The following TMEM237 variants were observed in gnomAD, a reference collection of about 807,000 sequenced individuals.
TMEM237 encodes the protein amyotrophic lateral sclerosis 2 (juvenile) chromosome region, candidate 4.
Under a neutral mutation model 59.1 loss-of-function variants are expected in TMEM237, and 51 were observed. The ratio of observed to expected loss-of-function variants is 0.86; its 90% CI spans 0.69 to 1.09. The LOEUF is 1.09. Ranked by LOEUF, TMEM237 falls within the 50% of genes least tolerant of loss-of-function variation. The pLI is 0.00. For missense variants in TMEM237, 475 were observed against 478.3 expected (o/e 0.99, Z 0.06); for synonymous variants, 140 against 166.1 (o/e 0.84, Z 1.21).
chr2:201,640,372 C>G, intron 2 of TMEM237, 107 bp from the exon 3 acceptor site: 1 of 1,114,718 alleles, frequency 9.0e-7, no homozygotes, highest in South Asian at 1.8e-5. Context: ...TGACTTAAAT[C>G]ATTACAAATT....
chr2:201,634,716 C>G (rs1368022213), intron 5 of TMEM237: 2 of 205,674 alleles, frequency 9.7e-6, no homozygotes, highest in Non-Finnish European at 2.2e-5. Flanking sequence ...CCATTTCTGT[C>G]TCTTTTCCTT....
At chr2:201,641,352 T>C (rs114157371) in intron 1 of TMEM237, among the ~76,000 whole-genome samples, 1,532 of 152,288 alleles carry the variant, frequency 0.01, 21 homozygotes, top group African/African-American at 0.034. Flanking sequence ...TGGATCAGAC[T>C]AGGATCTTCA....
chr2:201,639,588 G>A (rs1559590318), intron 3 of TMEM237, among the ~76,000 whole-genome samples: 2 of 152,180 alleles, frequency 1.3e-5, no homozygotes, highest in Non-Finnish European at 2.9e-5. Context: ...TTGAGCTCAG[G>A]AGTTCGACAC....
chr2:201,632,245 A>T, intron 6 of TMEM237, 37 bp from the exon 7 acceptor site: 1 of 1,607,916 alleles, frequency 6.2e-7, no homozygotes, highest in Non-Finnish European at 8.5e-7. Flanking sequence ...ATAGATGATT[A>T]TTGAATTTTT....
chr2:201,640,868 T>C (rs746859983), intron 2 of TMEM237, 25 bp downstream of exon 2: 28 of 1,545,670 alleles, frequency 1.8e-5, no homozygotes, highest in Middle Eastern at 3.5e-4. Context: ...AGCTCAATAA[T>C]GAAATTACTG....
At position 201,621,114 on chromosome 2, in the gene TMEM237, A is replaced by C. The variant is rs1957702712; in HGVS notation, c.*3141T>G. ...CAACATAAAGTACACAGCATCACAG[A>C]TGAAGTCATATTTTTTTAAAAAATC... On this transcript the variant is annotated 3_prime_UTR_variant, in exon 13 of 13. Coordinates refer to ENST00000409883, the MANE Select transcript of TMEM237 (RefSeq NM_001044385.3). 1 of 152,228 alleles carries C rather than the reference A, an allele frequency of 6.6e-6. No individual in the cohort carries two copies. The allele number at this position is 152,228 out of a possible 1,614,324, so 9.4% of individuals were successfully genotyped here.
At chr2:201,630,737 G>A (rs573042263) in intron 7 of TMEM237, among the ~76,000 whole-genome samples, 3 of 152,274 alleles carry the variant, frequency 2.0e-5, no homozygotes, top group South Asian at 2.1e-4. Flanking sequence ...AAATGACCAC[G>A]TGGTAGATGA....
At position 201,640,933 on chromosome 2, in the gene TMEM237, G is replaced by GA. The variant is rs2105904476; in HGVS notation, c.43-10dup. On this transcript the variant is annotated splice_polypyrimidine_tract_variant and intron_variant, in intron 1 of 12. Coordinates refer to ENST00000409883, the MANE Select transcript of TMEM237 (RefSeq NM_001044385.3). ...AGAGCTCGTGGAGGACGCTGTGGCG[G>GA]AAAAAATAAATTTGCTTGTAAGTAA... The GA allele has an allele frequency of 6.2e-7, 1 of 1,600,424 alleles. No homozygotes were observed. Among genetic ancestry groups the GA allele is most frequent in the Non-Finnish European group, 8.5e-7 (1 of 1,170,782 alleles).
intron 6 of TMEM237, 57 bp downstream of exon 6, chr2:201,633,254 C>T (rs1687218080): frequency 2.0e-6 from 3 of 1,536,894 alleles, no homozygotes; most frequent in East Asian, 4.8e-5. Flanking sequence ...TTCGGAGCTC[C>T]AAACAAAGCA....
chr2:201,637,858 CA>C (rs1257120803), intron 4 of TMEM237, among the ~76,000 whole-genome samples: 2 of 151,018 alleles, frequency 1.3e-5, no homozygotes, highest in African/African-American at 4.9e-5. Context: ...ACTAAATTAA[CA>C]AAAAAATTTT....
Position 201,624,172 on chromosome 2 carries a change from C to T in TMEM237, c.*83G>A. The T allele has an allele frequency of 1.1e-6, 1 of 949,170 alleles. No individual in the cohort carries two copies. The allele number at this position is 949,170 out of a possible 1,614,324, so 58.8% of individuals were successfully genotyped here. ...AATCAAAAAATCTATTACAAATACA[C>T]ATGTATACATCTTATAAAAATACAT... On this transcript the variant is annotated 3_prime_UTR_variant, in exon 13 of 13. Coordinates refer to ENST00000409883, the MANE Select transcript of TMEM237 (RefSeq NM_001044385.3).
At position 201,626,634 on chromosome 2, in the gene TMEM237, T is replaced by C. The variant is rs1957761444; in HGVS notation, c.1038-487A>G. On this transcript the variant is annotated intron_variant, in intron 11 of 12. Transcript: ENST00000409883. ...TCATGGCTGGCCGCTGATCTGCAGA[T>C]GTTGGCTCTCCCTGTTCCGCTCTTT... Among the ~76,000 whole-genome samples, 4 of 151,718 alleles carry C rather than the reference T, an allele frequency of 2.6e-5. No individual in the cohort carries two copies. In the South Asian group the frequency reaches 8.3e-4, roughly 32 times the overall value.
At chr2:201,642,986 C>G in intron 1 of TMEM237, 3 of 1,296,582 alleles carry the variant, frequency 2.3e-6, no homozygotes, top group Non-Finnish European at 2.9e-6. Flanking sequence ...ACTCCGCAGG[C>G]GAACAGATCT....
In TMEM237 at chr2:201,636,785, A is replaced by T. The variant is rs1433007303; in HGVS notation, c.237T>A (p.Pro79=). The change falls in exon 5 of 13, where the codon CCT becomes CCA. Residue 79 remains proline (P), a synonymous_variant. Transcript: ENST00000409883. ...TTGTCTTTTTCTGTCTTCTTTGAAC[A>T]GGAGCCTCTGGGTGCTCTTTGAGTT... ...TKELKEHPEA[P]VQRRQKKTRL... 6.3e-7 allele frequency: 1 copy of T among 1,587,758 alleles called. No individual in the cohort carries two copies. Among genetic ancestry groups the T allele is most frequent in the South Asian group, 1.1e-5 (1 of 87,076 alleles).
Position 201,624,218 on chromosome 2 carries a change from A to C in TMEM237, c.*37T>G, listed in dbSNP as rs1158670978. On this transcript the variant is annotated 3_prime_UTR_variant, in exon 13 of 13. Coordinates refer to ENST00000409883, the MANE Select transcript of TMEM237 (RefSeq NM_001044385.3). ...TACATTTAAAAACAAAAATGGGACAAATACTGGGTCATTATTCCTCCAAAG... is the reference window on the plus strand; with the variant it reads ...TACATTTAAAAACAAAAATGGGACACATACTGGGTCATTATTCCTCCAAAG... The C allele has an allele frequency of 6.4e-7, 1 of 1,555,400 alleles. No individual in the cohort carries two copies. The highest frequency in any genetic ancestry group is 1.1e-5 in the South Asian group (1 of 87,464).
rs1052600347 is a variant in TMEM237 at position 201,620,297 on chromosome 2, T to G, written c.*3958A>C. On this transcript the variant is annotated 3_prime_UTR_variant, in exon 13 of 13. Transcript: ENST00000409883. The stretch of plus-strand genomic sequence containing the variant: ...TCAGGATCATTATTTATTCCTCTTA[T>G]TTTTGGAATCTATTCTTCTTTTATT... The G allele has an allele frequency of 6.6e-6, 1 of 152,328 alleles. No individual in the cohort carries two copies. Among genetic ancestry groups the G allele is most frequent in the Middle Eastern group, 3.4e-3 (1 of 294 alleles). The allele number at this position is 152,328 out of a possible 1,614,324, so 9.4% of individuals were successfully genotyped here.
chr2:201,629,183 C>G, intron 9 of TMEM237, 47 bp downstream of exon 9: 1 of 1,382,004 alleles, frequency 7.2e-7, no homozygotes, highest in Middle Eastern at 1.9e-4. Flanking sequence ...TTTTGCTCAG[C>G]ATTTCCTCCT....
intron 1 of TMEM237, among the ~76,000 whole-genome samples, chr2:201,641,421 G>T (rs1197662856): frequency 3.3e-5 from 5 of 151,962 alleles, no homozygotes; most frequent in Non-Finnish European, 5.9e-5. Context: ...AGAAACATGG[G>T]CAATTTAAAA....
At position 201,643,022 on chromosome 2, in the gene TMEM237, T is replaced by G. The variant is rs1426264854; in HGVS notation, c.42+337A>C. On this transcript the variant is annotated intron_variant, in intron 1 of 12. Coordinates refer to ENST00000409883, the MANE Select transcript of TMEM237 (RefSeq NM_001044385.3). This position sits in a 1 kb window ranked among gnomAD's most constrained non-coding sequence, Gnocchi z 4.3. ...CTTCTGGGCAGCTACAGACCTCTCC[T>G]CGGAGGAGTCTAGGAGAGGCCTGGC... 1.0e-5 allele frequency: 13 copies of G among 1,282,652 alleles called. No homozygotes were observed. Among genetic ancestry groups the G allele is most frequent in the South Asian group, 2.1e-5 (1 of 48,126 alleles). The allele number at this position is 1,282,652 out of a possible 1,614,324, so 79.5% of individuals were successfully genotyped here.
Sources: gnomAD v4.1 joint callset for allele counts (sites outside exome capture counted in the v4.1 genomes callset) on GRCh38, gnomAD v4.1.1 for gene constraint, Gnocchi (gnomAD v3.1) non-coding constraint, MANE v1.5 for transcripts, NCBI Gene and HGNC (gene_info 2026-07-23, HGNC 2026-07-21) for gene names.